The following DDX46 variants were observed in gnomAD, a reference collection of about 807,000 sequenced individuals.
The protein encoded by DDX46 is DEAD-box helicase 46.
A neutral mutation model predicts 134.9 loss-of-function variants in DDX46; 30 were observed. That is an observed-to-expected ratio of 0.22 (90% CI 0.17 to 0.30). The LOEUF is 0.30. Among genes scored for constraint, DDX46 ranks in the 10% least tolerant of loss-of-function variants. The probability of loss-of-function intolerance (pLI) is 1.00; values close to 1 mark genes in which losing one functional copy is unlikely to be tolerated. For synonymous variants in DDX46, 415 were observed against 404.1 expected (o/e 1.03, Z -0.32); for missense variants, 622 against 1,248.7 (o/e 0.50, Z 7.56).
chr5:134,827,639 A>G (rs1335725945), intron 22 of DDX46, among the ~76,000 whole-genome samples: 1 of 152,196 alleles, frequency 6.6e-6, no homozygotes, highest in Admixed American at 6.5e-5. Context: ...AAGTGTAATC[A>G]TGCGTTTGCA....
intron 11 of DDX46, among the ~76,000 whole-genome samples, chr5:134,787,065 G>A (rs1267366860): frequency 6.6e-6 from 1 of 152,034 alleles, no homozygotes; most frequent in Non-Finnish European, 1.5e-5. Context: ...TGGGACCACA[G>A]ACGCATGCTA....
Position 134,826,990 on chromosome 5 carries a change from C to A in DDX46, c.3021C>A (p.Thr1007=), listed in dbSNP as rs1344892458. The A allele has an allele frequency of 1.9e-6, 3 of 1,613,306 alleles. No individual in the cohort carries two copies. In the South Asian group the frequency reaches 3.3e-5, roughly 18 times the overall value. ...LAVQKAKAEI[T]RLIKEELIRL... is the part of the protein sequence containing the mutation. The stretch of plus-strand genomic sequence containing the variant: ...TGCAGAAAGCAAAGGCAGAAATCAC[C>A]AGGCTCATAAAAGAAGAGCTGATCC... The change falls in exon 22 of 23, where the codon ACC becomes ACA. Residue 1007 remains threonine, a synonymous_variant. Coordinates refer to ENST00000452510, the MANE Select transcript of DDX46 (RefSeq NM_001300860.2).
At chr5:134,792,219 C>G (rs1754526097) in intron 13 of DDX46, among the ~76,000 whole-genome samples, 1 of 151,888 alleles carries the variant, frequency 6.6e-6, no homozygotes, top group African/African-American at 2.4e-5. Flanking sequence ...TAATAATCAG[C>G]TTTGAGTAGA....
intron 15 of DDX46, among the ~76,000 whole-genome samples, chr5:134,807,261 C>T (rs1755019433): frequency 6.7e-6 from 1 of 148,400 alleles, no homozygotes; most frequent in African/African-American, 2.5e-5. Context: ...ACCTCATGAT[C>T]TGCCCGCCTC....
At chr5:134,799,205 C>G (rs1408391996) in intron 15 of DDX46, among the ~76,000 whole-genome samples, 1 of 152,034 alleles carries the variant, frequency 6.6e-6, no homozygotes, top group Admixed American at 6.6e-5. Context: ...CTTTGTCTAC[C>G]CACACATCAG....
intron 9 of DDX46, 49 bp downstream of exon 9, chr5:134,783,114 T>C (rs1288127505): frequency 6.2e-7 from 1 of 1,600,322 alleles, no homozygotes; most frequent in Non-Finnish European, 8.5e-7. Context: ...CTGCTCAAAA[T>C]AGTCCTTCCA....
At chr5:134,799,132 A>G (rs1288656601) in intron 15 of DDX46, among the ~76,000 whole-genome samples, 1 of 152,146 alleles carries the variant, frequency 6.6e-6, no homozygotes, top group Non-Finnish European at 1.5e-5. Flanking sequence ...GGGGCTCTGG[A>G]ACCAATCCCC....
chr5:134,807,093 G>A (rs930857065), intron 15 of DDX46, among the ~76,000 whole-genome samples: 1 of 143,378 alleles, frequency 7.0e-6, no homozygotes, highest in Non-Finnish European at 1.5e-5. Context: ...ATGCTCTGTC[G>A]CCTGGGCTGG....
rs369489103 is a variant in DDX46, at chr5:134,780,924, G to A, written c.766-209G>A. The A allele has an allele frequency of 1.7e-5, 6 of 355,732 alleles. No homozygotes were observed. The East Asian group carries it at 3.3e-4, about 19-fold the overall frequency. 22.0% of individuals were successfully genotyped at this position (355,732 alleles called of 1,614,324 possible). On this transcript the variant is annotated intron_variant, in intron 6 of 22. Transcript: ENST00000452510. ...ATGTGCTTGTAGTCCTAGCAACTCA[G>A]GAGGACTGATGGGACGAATCCTTGA...
chr5:134,780,691 A>G (rs1289414844), intron 6 of DDX46: 3 of 151,956 alleles, frequency 2.0e-5, no homozygotes, highest in Non-Finnish European at 2.9e-5. Context: ...TTAAAAATTT[A>G]TACAAATTAA....
chr5:134,786,956 T>C (rs983261455), intron 11 of DDX46, among the ~76,000 whole-genome samples: 4 of 152,116 alleles, frequency 2.6e-5, no homozygotes, highest in Non-Finnish European at 4.4e-5. Context: ...AGCATCTTAC[T>C]CTGTTGCCCG....
At chr5:134,810,524 G>A (rs894814773) in intron 16 of DDX46, among the ~76,000 whole-genome samples, 1 of 151,266 alleles carries the variant, frequency 6.6e-6, no homozygotes, top group Admixed American at 6.6e-5. Context: ...TGTGTTTTTA[G>A]TAGAGATGGG....
chr5:134,815,792 C>A (rs1037289507), intron 18 of DDX46, among the ~76,000 whole-genome samples: 15 of 150,288 alleles, frequency 1.0e-4, no homozygotes, highest in African/African-American at 3.7e-4. Flanking sequence ...TTCATCATTG[C>A]GCTTGCCTTG....
At position 134,781,973 on chromosome 5, in the gene DDX46, A is replaced by T. The variant is rs1290305758; in HGVS notation, c.932A>T (p.Gln311Leu). Reference sequence around the variant, plus strand: ...CTTCAGACAGCCCTTACAGGGTATCAAACAAAACAGCGAAAGCTTCTAGAA... The same window carrying T: ...CTTCAGACAGCCCTTACAGGGTATCTAACAAAACAGCGAAAGCTTCTAGAA... ...VDLQTALTGYQTKQRKLLEPV... is the reference protein window; with the variant it reads ...VDLQTALTGYLTKQRKLLEPV... The change falls in exon 8 of 23, where the codon CAA becomes CTA. Residue 311 changes from glutamine to leucine, a missense_variant. Around this residue, in one of 8 missense-constraint regions of DDX46, gnomAD observed 63 missense variants for 84.0 expected, o/e 0.75. Coordinates refer to ENST00000452510, the MANE Select transcript of DDX46 (RefSeq NM_001300860.2). 1 of 1,611,576 alleles carries T rather than the reference A, an allele frequency of 6.2e-7. No homozygotes were observed. Among genetic ancestry groups the T allele is most frequent in the South Asian group, 1.1e-5 (1 of 90,674 alleles).
chr5:134,784,831 T>C (rs1381489492), intron 10 of DDX46: 1 of 186,770 alleles, frequency 5.4e-6, no homozygotes, highest in East Asian at 1.3e-4. Flanking sequence ...TGTTTATTTA[T>C]ATTGAGGTTT....
At chr5:134,773,583 TCCCC>T in intron 4 of DDX46, 109 bp from the exon 5 acceptor site, 2 of 1,251,582 alleles carry the variant, frequency 1.6e-6, no homozygotes, top group Non-Finnish European at 2.1e-6. Flanking sequence ...ATGCCTTTTT[TCCCC>T]TTCTTTATAC....
chr5:134,803,260 C>T (rs1220735946), intron 15 of DDX46, among the ~76,000 whole-genome samples: 1 of 152,092 alleles, frequency 6.6e-6, no homozygotes, highest in East Asian at 1.9e-4. Context: ...TCCCAAAGTA[C>T]TGGGATTACA....
In DDX46 at chr5:134,773,609, T is replaced by C. The variant is rs1440658806; in HGVS notation, c.448-87T>C. ...CCCCTTCTTTATACTTTGAAGAACT[T>C]ACTGGAATGTCACTTGGAGCAAAAT... On this transcript the variant is annotated intron_variant, in intron 4 of 22. Coordinates refer to ENST00000452510, the MANE Select transcript of DDX46 (RefSeq NM_001300860.2). 3 of 1,423,536 alleles carry C rather than the reference T, an allele frequency of 2.1e-6. No homozygotes were observed. The East Asian group carries it at 7.4e-5, about 35-fold the overall frequency. 88.2% of individuals were successfully genotyped at this position (1,423,536 alleles called of 1,614,324 possible).
intron 11 of DDX46, among the ~76,000 whole-genome samples, chr5:134,786,873 T>C (rs1211803731): frequency 6.6e-6 from 1 of 151,868 alleles, no homozygotes; most frequent in African/African-American, 2.4e-5. Context: ...TGGTGATTAC[T>C]GGGATGCATT....
Sources: gnomAD v4.1 joint callset for allele counts (sites outside exome capture counted in the v4.1 genomes callset) on GRCh38, gnomAD v4.1.1 for gene constraint, gnomAD v4.1.1 regional missense constraint, MANE v1.5 for transcripts, NCBI Gene and HGNC (gene_info 2026-07-23, HGNC 2026-07-21) for gene names.